ADGB: variants seen among roughly 807,000 people sequenced by gnomAD.
ADGB encodes androglobin.
In ADGB, 172 loss-of-function variants were observed where a neutral mutation model predicts 210.5. The ratio of observed to expected loss-of-function variants is 0.82; its 90% confidence interval spans 0.72 to 0.93. The LOEUF (loss-of-function observed/expected upper bound fraction) is 0.93. ADGB is among the 40% of genes least tolerant of loss of function. ADGB has a pLI of 0.00. For missense variants in ADGB, 2,025 were observed against 1,964.8 expected (o/e 1.03, Z -0.58); for synonymous variants, 658 against 662.7 (o/e 0.99, Z 0.11).
Position 146,740,583 on chromosome 6 carries a change from A to C in ADGB, c.3013A>C (p.Ile1005Leu). The change falls in exon 24 of 36, where the codon ATA becomes CTA. Residue 1005 changes from isoleucine (I) to leucine (L), a missense_variant. Transcript: ENST00000397944. ...AGAACAGCCACCAAATTCTTGGTTT[A>C]TAGTATTCAGGTGAGGTTGTTATAT... is the stretch of plus-strand genomic sequence containing the variant. ...YQEQPPNSWF[I>L]VFRETFLVHQ... 1 of 1,550,636 alleles carries C rather than the reference A, an allele frequency of 6.4e-7. No individual in the cohort carries two copies. The highest frequency in any genetic ancestry group is 1.2e-5 in the South Asian group (1 of 83,890).
intron 33 of ADGB, among the ~76,000 whole-genome samples, chr6:146,794,279 T>C (rs9497630): frequency 0.014 from 2,066 of 152,030 alleles, 40 homozygotes; most frequent in African/African-American, 0.047. Flanking sequence ...GTTAAAAAGG[T>C]TGTGAGTTTA....
intron 35 of ADGB, among the ~76,000 whole-genome samples, chr6:146,809,284 C>A (rs1207935556): frequency 1.3e-5 from 2 of 152,200 alleles, no homozygotes; most frequent in African/African-American, 2.4e-5. Flanking sequence ...CGGCTCAATG[C>A]AAACCTCCGC....
intron 16 of ADGB, among the ~76,000 whole-genome samples, chr6:146,721,169 A>G (rs1776807438): frequency 6.6e-6 from 1 of 152,120 alleles, no homozygotes; most frequent in Non-Finnish European, 1.5e-5. Context: ...CCTCTCTCTG[A>G]TATGGTGGCT....
At chr6:146,673,641 C>T (rs928756423) in intron 8 of ADGB, among the ~76,000 whole-genome samples, 2 of 152,096 alleles carry the variant, frequency 1.3e-5, no homozygotes, top group East Asian at 3.8e-4. Context: ...CCATTAAACA[C>T]ATATTTTTCC....
chr6:146,698,897 T>C (rs1776448279), intron 12 of ADGB, among the ~76,000 whole-genome samples: 1 of 152,080 alleles, frequency 6.6e-6, no homozygotes, highest in Non-Finnish European at 1.5e-5. Context: ...ATAAAATTTG[T>C]GTTATAATTT....
intron 1 of ADGB, among the ~76,000 whole-genome samples, chr6:146,619,678 C>T (rs1366443798): frequency 6.6e-6 from 1 of 152,022 alleles, no homozygotes; most frequent in Non-Finnish European, 1.5e-5. Flanking sequence ...CAACATCATC[C>T]CCATCCCAAC....
intron 9 of ADGB, among the ~76,000 whole-genome samples, chr6:146,685,262 T>C (rs752539109): frequency 6.6e-6 from 1 of 152,002 alleles, no homozygotes; most frequent in African/African-American, 2.4e-5. Flanking sequence ...ATGCCTTACT[T>C]CTTCATGGAA....
At chr6:146,778,589 C>A (rs73584841) in intron 29 of ADGB, among the ~76,000 whole-genome samples, 2,717 of 152,124 alleles carry the variant, frequency 0.018, 77 homozygotes, top group African/African-American at 0.062. Flanking sequence ...CAACCTTATT[C>A]TCTTTCTGTG....
intron 3 of ADGB, among the ~76,000 whole-genome samples, chr6:146,645,641 T>C (rs1217612603): frequency 1.3e-5 from 2 of 152,034 alleles, no homozygotes; most frequent in East Asian, 3.9e-4. Context: ...ATTAAAGCTA[T>C]GTATCTATAT....
At chr6:146,808,416 C>G (rs1271338956) in intron 35 of ADGB, among the ~76,000 whole-genome samples, 1 of 152,198 alleles carries the variant, frequency 6.6e-6, no homozygotes, top group Non-Finnish European at 1.5e-5. Flanking sequence ...CCATCATGGT[C>G]ACCTGGGTGT....
intron 12 of ADGB, among the ~76,000 whole-genome samples, chr6:146,697,243 T>C (rs564244313): frequency 6.6e-6 from 1 of 152,152 alleles, no homozygotes; most frequent in Admixed American, 6.6e-5. Flanking sequence ...ACTTCACAAA[T>C]AGCAATAACT....
chr6:146,735,893 T>A (rs1777072406), intron 22 of ADGB, among the ~76,000 whole-genome samples: 1 of 152,220 alleles, frequency 6.6e-6, no homozygotes, highest in Admixed American at 6.5e-5. Context: ...CTCTGATGAA[T>A]CTTGTATTCT....
At chr6:146,752,004 G>A (rs141400865) in intron 26 of ADGB, among the ~76,000 whole-genome samples, 2 of 152,170 alleles carry the variant, frequency 1.3e-5, no homozygotes, top group East Asian at 3.9e-4. Flanking sequence ...TTTACTTTTA[G>A]GTTATCATAT....
At chr6:146,600,389 CT>C in intron 1 of ADGB, 1 of 244,492 alleles carries the variant, frequency 4.1e-6, no homozygotes, top group African/African-American at 2.3e-5. Context: ...CTAAAGTTAC[CT>C]TCCACTAGCC....
intron 35 of ADGB, among the ~76,000 whole-genome samples, 157 bp from the exon 36 acceptor site, chr6:146,814,875 T>C (rs1024752369): frequency 2.0e-5 from 3 of 152,254 alleles, no homozygotes; most frequent in Non-Finnish European, 4.4e-5. Context: ...TGTGTACTGA[T>C]AAGCTGTTGA....
chr6:146,625,230 T>C (rs1243552568), intron 1 of ADGB, among the ~76,000 whole-genome samples: 1 of 152,138 alleles, frequency 6.6e-6, no homozygotes, highest in African/African-American at 2.4e-5. Context: ...TGTTGCTTCA[T>C]GTGTTAAGAA....
intron 1 of ADGB, among the ~76,000 whole-genome samples, chr6:146,606,281 G>C (rs1010926290): frequency 2.0e-5 from 3 of 152,024 alleles, no homozygotes; most frequent in Non-Finnish European, 4.4e-5. Context: ...GTTCCTTATA[G>C]ATTCTAGATA....
chr6:146,784,095 A>G (rs2114646198), intron 30 of ADGB, among the ~76,000 whole-genome samples: 1 of 152,328 alleles, frequency 6.6e-6, no homozygotes, highest in Middle Eastern at 3.4e-3. Context: ...TTCACCATGT[A>G]ATCCATGACC....
chr6:146,768,334 C>T (rs1202867100), intron 28 of ADGB, among the ~76,000 whole-genome samples: 1 of 151,936 alleles, frequency 6.6e-6, no homozygotes, highest in African/African-American at 2.4e-5. Flanking sequence ...CTTAGTATTT[C>T]CAAAGACAAA....
Sources: gnomAD v4.1 joint callset for allele counts (sites outside exome capture counted in the v4.1 genomes callset) on GRCh38, gnomAD v4.1.1 for gene constraint, MANE v1.5 for transcripts, NCBI Gene and HGNC (gene_info 2026-07-23, HGNC 2026-07-21) for gene names.